EFCAB5: variants seen among roughly 807,000 people sequenced by gnomAD.
The protein encoded by EFCAB5 is EF-hand calcium-binding domain-containing protein 5.
A neutral mutation model predicts 167.9 loss-of-function variants in EFCAB5; 131 were observed. The ratio of observed to expected loss-of-function variants is 0.78; its 90% CI spans 0.68 to 0.90. The LOEUF is 0.90. EFCAB5 is among the 40% of genes least tolerant of loss of function. The probability of loss-of-function intolerance (pLI) is 0.00; values close to 1 mark genes in which losing one functional copy is unlikely to be tolerated. For synonymous variants in EFCAB5, 574 were observed against 602.8 expected, an observed-to-expected ratio of 0.95 and a Z score of 0.70; for missense variants, 1,663 against 1,745.2, an observed-to-expected ratio of 0.95 and a Z score of 0.84.
At chr17:29,963,524 A>G (rs1188833861) in intron 3 of EFCAB5, among the ~76,000 whole-genome samples, 1 of 152,190 alleles carries the variant, frequency 6.6e-6, no homozygotes, top group Non-Finnish European at 1.5e-5. Flanking sequence ...TGTGATATCT[A>G]TCTAGCTTTA....
In EFCAB5 at chr17:29,964,857, A is replaced by G. The variant is rs1247928485; in HGVS notation, c.191-3934A>G. Among the ~76,000 whole-genome samples, 19 of 149,226 alleles carry G rather than the reference A, an allele frequency of 1.3e-4. 2 individuals are homozygous for G. Among genetic ancestry groups the G allele is most frequent in the Admixed American group, 1.1e-3 (17 of 14,968 alleles). Reference sequence around the variant, plus strand: ...TTTGCTAGTTTTGTGTTTAGTTTGCACTACTTTTTCGAGTTTCTTAAGGTG... The same window carrying G: ...TTTGCTAGTTTTGTGTTTAGTTTGCGCTACTTTTTCGAGTTTCTTAAGGTG... On this transcript the variant is annotated intron_variant, in intron 3 of 22. Coordinates refer to ENST00000394835, the MANE Select transcript of EFCAB5 (RefSeq NM_198529.4).
chr17:30,090,372 G>A, intron 19 of EFCAB5, 49 bp from the exon 20 acceptor site: 1 of 1,591,046 alleles, frequency 6.3e-7, no homozygotes, highest in South Asian at 1.1e-5. Flanking sequence ...GGAATGATGT[G>A]AACAGACAGA....
At chr17:30,085,047 G>T (rs1205306818) in intron 18 of EFCAB5, among the ~76,000 whole-genome samples, 1 of 152,054 alleles carries the variant, frequency 6.6e-6, no homozygotes, top group Non-Finnish European at 1.5e-5. Context: ...TTATTACCAG[G>T]TTGGAATTCT....
At chr17:29,967,086 G>A (rs2067844663) in intron 3 of EFCAB5, among the ~76,000 whole-genome samples, 1 of 152,002 alleles carries the variant, frequency 6.6e-6, no homozygotes, top group Non-Finnish European at 1.5e-5. Flanking sequence ...TCTCTGCTCT[G>A]AGGATATTCT....
chr17:29,941,286 C>A (rs2067294493), upstream of EFCAB5, among the ~76,000 whole-genome samples: 1 of 151,942 alleles, frequency 6.6e-6, no homozygotes, highest in Non-Finnish European at 1.5e-5. Flanking sequence ...TATTTTAATA[C>A]CTCAATATAA....
At chr17:29,975,184 T>C (rs1222338983) in intron 4 of EFCAB5, among the ~76,000 whole-genome samples, 1 of 152,162 alleles carries the variant, frequency 6.6e-6, no homozygotes, top group East Asian at 1.9e-4. Context: ...AAATGGTATC[T>C]ATTAGGTCTC....
At chr17:29,998,860 G>A (rs561506041) in intron 6 of EFCAB5, among the ~76,000 whole-genome samples, 1 of 152,158 alleles carries the variant, frequency 6.6e-6, no homozygotes, top group Non-Finnish European at 1.5e-5. Context: ...TCTCTTGTAA[G>A]GTCAATAAGG....
At chr17:30,097,299 G>A (rs1270802250) in intron 22 of EFCAB5, among the ~76,000 whole-genome samples, 5 of 150,182 alleles carry the variant, frequency 3.3e-5, no homozygotes, top group South Asian at 4.2e-4. Context: ...CAGATGATCC[G>A]CCCCCTCGGC....
At chr17:29,969,597 G>C (rs1261750366) in intron 4 of EFCAB5, among the ~76,000 whole-genome samples, 1 of 152,148 alleles carries the variant, frequency 6.6e-6, no homozygotes, top group African/African-American at 2.4e-5. Context: ...ATGACTGCAA[G>C]TGTATAATGA....
chr17:29,958,170 T>C (rs1356892887), intron 3 of EFCAB5, among the ~76,000 whole-genome samples: 1 of 152,248 alleles, frequency 6.6e-6, no homozygotes, highest in African/African-American at 2.4e-5. Flanking sequence ...AAAAATATTG[T>C]AGCTGAATAT....
At chr17:29,961,093 A>G (rs2067712075) in intron 3 of EFCAB5, among the ~76,000 whole-genome samples, 2 of 152,298 alleles carry the variant, frequency 1.3e-5, no homozygotes, top group Admixed American at 1.3e-4. Context: ...ATTTCTGTAC[A>G]TTCTTACCAA....
At chr17:30,016,759 G>A (rs1054839715) in intron 7 of EFCAB5, among the ~76,000 whole-genome samples, 2 of 152,082 alleles carry the variant, frequency 1.3e-5, no homozygotes, top group African/African-American at 4.8e-5. Context: ...ATAACTTTTG[G>A]ATCAAAATCT....
intron 7 of EFCAB5, among the ~76,000 whole-genome samples, chr17:30,026,904 C>T (rs990488066): frequency 7.8e-6 from 1 of 128,274 alleles, no homozygotes; most frequent in African/African-American, 2.8e-5. Context: ...AAAATTTCAT[C>T]TTCTGCTTTT....
At position 30,056,169 on chromosome 17, in the gene EFCAB5, A is replaced by G; in HGVS notation, c.2365+13A>G. The G allele has an allele frequency of 6.3e-7, 1 of 1,597,242 alleles. No individual in the cohort carries two copies. Among genetic ancestry groups the G allele is most frequent in the Non-Finnish European group, 8.5e-7 (1 of 1,170,382 alleles). On this transcript the variant is annotated intron_variant, in intron 12 of 22. Coordinates refer to ENST00000394835, the MANE Select transcript of EFCAB5 (RefSeq NM_198529.4). ...TCCAGGTTCACAGGTACATGTTAACAATGAAAGTAGGAATAGATGGCAGTC... is the reference window on the plus strand; with the variant it reads ...TCCAGGTTCACAGGTACATGTTAACGATGAAAGTAGGAATAGATGGCAGTC...
intron 7 of EFCAB5, among the ~76,000 whole-genome samples, chr17:30,008,006 GT>G (rs567858770): frequency 2.4e-4 from 37 of 151,992 alleles, no homozygotes; most frequent in Non-Finnish European, 4.0e-4. Context: ...GAAAAGCTGC[GT>G]CATTTGATAA....
chr17:30,103,880 G>T (rs1175574007), intron 22 of EFCAB5, among the ~76,000 whole-genome samples: 2 of 152,158 alleles, frequency 1.3e-5, no homozygotes, highest in African/African-American at 2.4e-5. Context: ...AGCCAGGCGT[G>T]CATGCCTGTA....
intron 22 of EFCAB5, among the ~76,000 whole-genome samples, chr17:30,104,622 T>C (rs117019509): frequency 0.014 from 2,147 of 151,810 alleles, 25 homozygotes; most frequent in Non-Finnish European, 0.019. Context: ...GCAAAGTCTG[T>C]GTGAGTGGGG....
At chr17:30,105,300 A>G (rs2071434520) in intron 22 of EFCAB5, among the ~76,000 whole-genome samples, 1 of 152,098 alleles carries the variant, frequency 6.6e-6, no homozygotes, top group Non-Finnish European at 1.5e-5. Context: ...CAGCCTGGCC[A>G]ACATGATGAA....
At chr17:29,985,891 A>G (rs2068271581) in intron 4 of EFCAB5, among the ~76,000 whole-genome samples, 1 of 152,158 alleles carries the variant, frequency 6.6e-6, no homozygotes, top group African/African-American at 2.4e-5. Context: ...TGTTCCCAAC[A>G]TGTTCCCCAT....
Sources: gnomAD v4.1 joint callset for allele counts (sites outside exome capture counted in the v4.1 genomes callset) on GRCh38, gnomAD v4.1.1 for gene constraint, MANE v1.5 for transcripts, NCBI Gene and HGNC (gene_info 2026-07-23, HGNC 2026-07-21) for gene names.